Variants in CNTN5 observed in about 807,000 individuals in gnomAD.
CNTN5 encodes the protein contactin 5.
CNTN5 carries 77 observed loss-of-function variants against 129.1 expected under a neutral mutation model. That is an observed-to-expected ratio of 0.60 (90% CI 0.50 to 0.72). CNTN5 has a LOEUF of 0.72. CNTN5 is among the 30% of genes least tolerant of loss of function. The pLI is 0.00. For missense variants in CNTN5, 1,478 were observed against 1,328.8 expected, an observed-to-expected ratio of 1.11 and a Z score of -1.75; for synonymous variants, 509 against 465.6, an observed-to-expected ratio of 1.09 and a Z score of -1.20.
intron 1 of CNTN5, among the ~76,000 whole-genome samples, chr11:99,222,569 A>AT (rs1305276964): frequency 1.3e-5 from 2 of 152,128 alleles, no homozygotes; most frequent in Non-Finnish European, 2.9e-5. Flanking sequence ...TATTTATTAC[A>AT]TTTATAAGTC....
intron 1 of CNTN5, among the ~76,000 whole-genome samples, chr11:99,053,305 A>G (rs569869481): frequency 1.2e-3 from 177 of 152,090 alleles, no homozygotes; most frequent in African/African-American, 4.0e-3. Flanking sequence ...ATCAAGTTCA[A>G]TCGACTTTCA....
chr11:99,725,097 G>T (rs1028979137), intron 3 of CNTN5, among the ~76,000 whole-genome samples: 6 of 152,132 alleles, frequency 3.9e-5, no homozygotes, highest in African/African-American at 1.4e-4. Flanking sequence ...GAATTTTCTA[G>T]TTGTGTAATT....
At chr11:99,419,736 T>C (rs1942806899) in intron 2 of CNTN5, among the ~76,000 whole-genome samples, 1 of 152,200 alleles carries the variant, frequency 6.6e-6, no homozygotes, top group African/African-American at 2.4e-5. Flanking sequence ...TGTAAATTTC[T>C]GATGAAATAC....
chr11:100,021,360 T>C (rs1941134969), intron 9 of CNTN5, among the ~76,000 whole-genome samples: 1 of 152,194 alleles, frequency 6.6e-6, no homozygotes, highest in African/African-American at 2.4e-5. Flanking sequence ...AAATCTTCTA[T>C]ATCTTTATTG....
intron 16 of CNTN5, among the ~76,000 whole-genome samples, chr11:100,229,130 A>G (rs954197040): frequency 2.0e-5 from 3 of 152,154 alleles, no homozygotes; most frequent in South Asian, 4.1e-4. Context: ...AAATCACAAC[A>G]AAGTAAGGTT....
At chr11:99,383,751 G>A (rs1940748886) in intron 2 of CNTN5, among the ~76,000 whole-genome samples, 1 of 151,950 alleles carries the variant, frequency 6.6e-6, no homozygotes, top group Non-Finnish European at 1.5e-5. Context: ...GTCTTAACAG[G>A]GCAGAAGCTG....
chr11:100,317,647 A>G (rs1337026388), intron 21 of CNTN5, among the ~76,000 whole-genome samples: 1 of 152,188 alleles, frequency 6.6e-6, no homozygotes, highest in African/African-American at 2.4e-5. Context: ...AAAATCATCA[A>G]ATCAAAAGCA....
At chr11:99,119,377 G>A (rs1393314508) in intron 1 of CNTN5, among the ~76,000 whole-genome samples, 1 of 152,092 alleles carries the variant, frequency 6.6e-6, no homozygotes, top group Non-Finnish European at 1.5e-5. Context: ...CTTATAAAAT[G>A]AGAACATACG....
chr11:99,495,627 C>T (rs566674800), intron 2 of CNTN5, among the ~76,000 whole-genome samples: 4 of 152,112 alleles, frequency 2.6e-5, no homozygotes, highest in South Asian at 2.1e-4. Flanking sequence ...GTGTATCATG[C>T]GATGAAGATT....
intron 3 of CNTN5, among the ~76,000 whole-genome samples, chr11:99,789,813 G>T (rs1342930084): frequency 6.6e-6 from 1 of 151,876 alleles, no homozygotes; most frequent in Non-Finnish European, 1.5e-5. Flanking sequence ...TATATGCGCA[G>T]GTTTGTTACA....
chr11:99,024,938 G>A (rs909045080), intron 1 of CNTN5, among the ~76,000 whole-genome samples: 15 of 151,796 alleles, frequency 9.9e-5, no homozygotes, highest in Non-Finnish European at 1.6e-4. Flanking sequence ...ATTTTTAAAC[G>A]TTTCAGAAAA....
At chr11:100,083,908 C>T (rs1195587752) in intron 13 of CNTN5, among the ~76,000 whole-genome samples, 3 of 152,030 alleles carry the variant, frequency 2.0e-5, no homozygotes, top group Non-Finnish European at 4.4e-5. Context: ...CTAGATTTCA[C>T]TTTTTTCTTA....
intron 1 of CNTN5, among the ~76,000 whole-genome samples, chr11:99,123,948 C>T (rs1437957080): frequency 1.3e-5 from 2 of 151,908 alleles, no homozygotes; most frequent in South Asian, 2.1e-4. Context: ...ATTACCATAG[C>T]CTTGTAGTAT....
At chr11:99,813,010 C>T (rs2407151) in intron 3 of CNTN5, among the ~76,000 whole-genome samples, 1 of 107,574 alleles carries the variant, frequency 9.3e-6, no homozygotes, top group Non-Finnish European at 2.1e-5. Flanking sequence ...AAAATCTTAC[C>T]AATTTACCAA....
intron 2 of CNTN5, among the ~76,000 whole-genome samples, chr11:99,365,476 G>A (rs1028312772): frequency 1.3e-5 from 2 of 152,110 alleles, no homozygotes; most frequent in African/African-American, 4.8e-5. Flanking sequence ...GTGGAGAGAA[G>A]AGAAAACAAT....
intron 13 of CNTN5, among the ~76,000 whole-genome samples, chr11:100,159,518 A>AGAGAT (rs572240461): frequency 0.011 from 1,662 of 152,048 alleles, 12 homozygotes; most frequent in Non-Finnish European, 0.017. Context: ...ATTACATTGA[A>AGAGAT]GAGATGTAGA....
intron 1 of CNTN5, among the ~76,000 whole-genome samples, chr11:99,125,620 G>T (rs1858587565): frequency 6.6e-6 from 1 of 152,024 alleles, no homozygotes; most frequent in African/African-American, 2.4e-5. Flanking sequence ...TTAGGCAAGA[G>T]AAAGAAATTA....
intron 2 of CNTN5, among the ~76,000 whole-genome samples, chr11:99,449,230 G>A (rs1042299194): frequency 6.6e-6 from 1 of 152,118 alleles, no homozygotes; most frequent in Non-Finnish European, 1.5e-5. Context: ...GAAGTATGTT[G>A]AACATGTGTG....
intron 4 of CNTN5, among the ~76,000 whole-genome samples, chr11:99,832,422 C>CA (rs936665591): frequency 6.6e-6 from 1 of 151,598 alleles, no homozygotes; most frequent in African/African-American, 2.4e-5. Context: ...ACGAAAGTGA[C>CA]AAAAAACCTA....
Sources: gnomAD v4.1 joint callset for allele counts (sites outside exome capture counted in the v4.1 genomes callset) on GRCh38, gnomAD v4.1.1 for gene constraint, MANE v1.5 for transcripts, NCBI Gene and HGNC (gene_info 2026-07-23, HGNC 2026-07-21) for gene names.